AARS1: variants seen among roughly 807,000 people sequenced by gnomAD.
AARS1 encodes the protein alanyl-tRNA synthetase 1, also known as alanine--tRNA ligase, cytoplasmic.
AARS1 carries 72 observed loss-of-function variants against 108.9 expected under a neutral mutation model. The ratio of observed to expected loss-of-function variants is 0.66; its 90% confidence interval spans 0.55 to 0.80. The LOEUF (loss-of-function observed/expected upper bound fraction) is 0.80. AARS1 is among the 30% of genes least tolerant of loss of function. The probability of loss-of-function intolerance (pLI) is 0.00; values close to 1 mark genes in which losing one functional copy is unlikely to be tolerated. For synonymous variants in AARS1, 489 were observed against 465.7 expected (o/e 1.05, Z -0.64); for missense variants, 1,193 against 1,233.2 (o/e 0.97, Z 0.49).
chr16:70,283,063 C>T lies in AARS1; in HGVS notation c.-21-279G>A, dbSNP rs114572751. Among the ~76,000 whole-genome samples, 1,816 of 152,206 alleles carry T rather than the reference C, an allele frequency of 0.012. 29 individuals carry two copies. Among genetic ancestry groups the T allele is most frequent in the African/African-American group, 0.041 (1,707 of 41,530 alleles). On this transcript the variant is annotated intron_variant, in intron 1 of 20. Transcript: ENST00000261772. ...GTTTGTTCATTAAACAAATATGTAT[C>T]GAGCATCTGCTCTGTGTCAGGCCCG...
rs765240980 is a variant in AARS1, at chr16:70,270,264, C to G, written c.748G>C (p.Val250Leu). ...TAGTTGGACATCTTATTCTGCAGCA[C>G]AGATACCAGTCGTTCCAGGCCCATC... ...TGMGLERLVSVLQNKMSNYDT... is the reference protein window; with the variant it reads ...TGMGLERLVSLLQNKMSNYDT... Residue 250 changes from valine (V) to leucine (L), a missense_variant, in exon 6 of 21, where the codon GTG becomes CTG. Coordinates refer to ENST00000261772, the MANE Select transcript of AARS1 (RefSeq NM_001605.3). 1 of 1,614,064 alleles carries G rather than the reference C, an allele frequency of 6.2e-7. No homozygotes were observed. The highest frequency in any genetic ancestry group is 2.2e-5 in the East Asian group (1 of 44,902).
Position 70,265,553 on chromosome 16 carries a change from C to T in AARS1, c.1332G>A (p.Glu444=), listed in dbSNP as rs150442667. ...LVVDMDGFEE[E]RKLAQLKSQG... Reference sequence around the variant, plus strand: ...AGTTCTTTACCTGGGCCAGTTTCCTCTCCTCTTCAAAGCCATCCATGTCTA... The same window carrying T: ...AGTTCTTTACCTGGGCCAGTTTCCTTTCCTCTTCAAAGCCATCCATGTCTA... Residue 444 remains glutamate (E), a synonymous_variant, in exon 10 of 21, where the codon GAG becomes GAA. Transcript: ENST00000261772. 1.1e-3 allele frequency: 1,726 copies of T among 1,613,994 alleles called. 9 individuals are homozygous for T. Among genetic ancestry groups the T allele is most frequent in the South Asian group, 5.6e-3 (514 of 91,078 alleles).
rs190680402 is a variant in AARS1 at position 70,276,623 on chromosome 16, T to C, written c.342A>G (p.Ala114=). The change falls in exon 4 of 21, where the codon GCA becomes GCG. Residue 114 remains alanine, a synonymous_variant. Transcript: ENST00000261772. Reference sequence around the variant, plus strand: ...TGAGGAGTTCCAGAGCCATCTTACATGCCAATTCCTACAAAAAGAACAGAG... The same window carrying C: ...TGAGGAGTTCCAGAGCCATCTTACACGCCAATTCCTACAAAAAGAACAGAG... ...WSFGDYFKEL[A]CKMALELLTQ... is the part of the protein sequence containing the mutation. 5 of 1,613,988 alleles carry C rather than the reference T, an allele frequency of 3.1e-6. No homozygotes were observed. The highest frequency in any genetic ancestry group is 3.3e-5 in the Admixed American group (2 of 60,002).
At chr16:70,274,499 G>T (rs1023004565) in intron 4 of AARS1, among the ~76,000 whole-genome samples, 6 of 152,032 alleles carry the variant, frequency 3.9e-5, no homozygotes, top group Admixed American at 1.3e-4. Context: ...GCCGAGGCGT[G>T]TGGATCACCA....
chr16:70,264,677 A>G (rs1269315661), intron 11 of AARS1, among the ~76,000 whole-genome samples: 2 of 152,098 alleles, frequency 1.3e-5, no homozygotes, highest in Non-Finnish European at 2.9e-5. Context: ...AGTTTCCTGC[A>G]TGATGTTACA....
intron 2 of AARS1, 50 bp downstream of exon 2, chr16:70,282,570 T>C (rs1960727398): frequency 1.2e-6 from 2 of 1,609,964 alleles, no homozygotes; most frequent in South Asian, 2.2e-5. Context: ...ATCTGGGCTC[T>C]GCTGCCTCTT....
At chr16:70,278,797 A>G (rs1960617770) in intron 2 of AARS1, among the ~76,000 whole-genome samples, 1 of 151,834 alleles carries the variant, frequency 6.6e-6, no homozygotes. Flanking sequence ...ATCATTTCAA[A>G]TTGGGGGAAA....
chr16:70,283,784 A>G (rs897736946), intron 1 of AARS1, among the ~76,000 whole-genome samples: 3 of 152,178 alleles, frequency 2.0e-5, no homozygotes, highest in African/African-American at 7.2e-5. Context: ...AAGAACCCTA[A>G]CAGCAAACGG....
Position 70,262,328 on chromosome 16 carries a change from G to A in AARS1, c.1671+18C>T, listed in dbSNP as rs1960151944. On this transcript the variant is annotated intron_variant, in intron 12 of 20. Coordinates refer to ENST00000261772, the MANE Select transcript of AARS1 (RefSeq NM_001605.3). ...CGCCTGGCCCTCCTCGGCTAACAAG[G>A]AAGAACTGTTGGCTCACATCTTCAC... is the stretch of plus-strand genomic sequence containing the variant. The A allele has an allele frequency of 6.2e-7, 1 of 1,614,130 alleles. No individual in the cohort carries two copies. Among genetic ancestry groups the A allele is most frequent in the South Asian group, 1.1e-5 (1 of 91,072 alleles).
chr16:70,281,378 A>G (rs1367545677), intron 2 of AARS1, among the ~76,000 whole-genome samples: 2 of 152,100 alleles, frequency 1.3e-5, no homozygotes, highest in Non-Finnish European at 2.9e-5. Context: ...TAAATAAATA[A>G]ATTTAGGCCA....
At position 70,252,502 on chromosome 16, in the gene AARS1, C is replaced by A; in HGVS notation, c.*219G>T. The A allele has an allele frequency of 1.7e-6, 1 of 593,788 alleles. No homozygotes were observed. Among genetic ancestry groups the A allele is most frequent in the Non-Finnish European group, 3.0e-6 (1 of 333,026 alleles). The allele number at this position is 593,788 out of a possible 1,614,324, so 36.8% of individuals were successfully genotyped here. A position where few individuals can be genotyped will look rare whatever the true frequency, so the allele number is the denominator to read the frequency against. ...TAGATGCGAGCGTGACGATCAACAG[C>A]AATGCGGGGTTAGTGGTTCTAGACC... On this transcript the variant is annotated 3_prime_UTR_variant, in exon 21 of 21. Transcript: ENST00000261772.
chr16:70,253,514 G>C, intron 19 of AARS1, 133 bp from the exon 20 acceptor site: 1 of 1,044,132 alleles, frequency 9.6e-7, no homozygotes, highest in Non-Finnish European at 1.4e-6. Context: ...CAGGGCCTGT[G>C]GGGAGGACCC....
intron 11 of AARS1, 129 bp downstream of exon 11, chr16:70,264,829 G>GT (rs1960225526): frequency 8.7e-7 from 1 of 1,148,604 alleles, no homozygotes; most frequent in Non-Finnish European, 1.3e-6. Flanking sequence ...AGTGCATAGC[G>GT]TGACTGTACG....
rs753427102 is a variant in AARS1, at chr16:70,276,534, G to A, written c.431C>T (p.Ala144Val). ...YVTYFGGDEAAGLEADLECKQ... is the reference protein window; with the variant it reads ...YVTYFGGDEAVGLEADLECKQ... ...GCATTCCAGATCTGCTTCTAAGCCA[G>A]CTGCTTCATCCCCGCCAAAGTAAGT... The change falls in exon 4 of 21, where the codon GCT (alanine) becomes GTT (valine). Residue 144 changes from alanine to valine, a missense_variant. Coordinates refer to ENST00000261772, the MANE Select transcript of AARS1 (RefSeq NM_001605.3). 3.7e-6 allele frequency: 6 copies of A among 1,614,092 alleles called. No individual in the cohort carries two copies. The highest frequency in any genetic ancestry group is 5.1e-6 in the Non-Finnish European group (6 of 1,180,024).
rs779150762 is a variant in AARS1 at position 70,269,603 on chromosome 16, G to A, written c.962+15C>T. ...GGTGCCGCTCCAAACACCACCCAGT[G>A]TGCAGCATACTTACCCACGCCCTGT... On this transcript the variant is annotated intron_variant, in intron 7 of 20. Transcript: ENST00000261772. 1.6e-5 allele frequency: 26 copies of A among 1,613,446 alleles called. No homozygotes were observed. The highest frequency in any genetic ancestry group is 7.6e-6 in the Non-Finnish European group (9 of 1,180,046).
intron 2 of AARS1, among the ~76,000 whole-genome samples, chr16:70,280,443 T>C (rs1960667949): frequency 6.6e-6 from 1 of 152,216 alleles, no homozygotes; most frequent in Admixed American, 6.5e-5. Flanking sequence ...CCTGAGTAGA[T>C]GTAATTACAG....
Position 70,282,646 on chromosome 16 carries a change from G to A in AARS1, c.118C>T (p.Leu40Phe), listed in dbSNP as rs1350361999. Reference protein sequence around the residue: ...ATIPLDDPTLLFANAGMNQFK... With the variant: ...ATIPLDDPTLFFANAGMNQFK... ...TGGTTCATGCCTGCATTGGCAAAGA[G>A]CAAAGTGGGGTCATCCAATGGGATG... Residue 40 changes from leucine (L) to phenylalanine (F), a missense_variant, in exon 2 of 21, where the codon CTC becomes TTC. By Grantham distance (22) the Leu-to-Phe change is conservative (BLOSUM62 0). Coordinates refer to ENST00000261772, the MANE Select transcript of AARS1 (RefSeq NM_001605.3). The A allele has an allele frequency of 6.2e-7, 1 of 1,614,180 alleles. No homozygotes were observed. Among genetic ancestry groups the A allele is most frequent in the Admixed American group, 1.7e-5 (1 of 60,010 alleles).
intron 2 of AARS1, among the ~76,000 whole-genome samples, chr16:70,282,331 GAA>G (rs57976512): frequency 4.5e-5 from 5 of 110,310 alleles, no homozygotes; most frequent in South Asian, 3.2e-4. Flanking sequence ...TCCGTCTCAG[GAA>G]AAAAAAAAAA....
chr16:70,279,347 T>C (rs1427039535), intron 2 of AARS1, among the ~76,000 whole-genome samples: 3 of 52,770 alleles, frequency 5.7e-5, no homozygotes, highest in Admixed American at 3.4e-4. Context: ...CAAAACTTCA[T>C]CTCAAAAAAA....
Sources: allele counts gnomAD v4.1 joint callset (sites outside exome capture counted in the v4.1 genomes callset), GRCh38; gene constraint gnomAD v4.1.1; transcripts MANE v1.5; gene names NCBI Gene and HGNC (gene_info 2026-07-23, HGNC 2026-07-21).